Variants in BAIAP2L1 observed in about 807,000 individuals in gnomAD.
BAIAP2L1 encodes BAR/IMD domain containing adaptor protein 2 like 1.
Under a neutral mutation model 66.3 loss-of-function variants are expected in BAIAP2L1, and 35 were observed. The ratio of observed to expected loss-of-function variants is 0.53; its 90% CI spans 0.40 to 0.70. BAIAP2L1 has a LOEUF of 0.70. BAIAP2L1 is among the 30% of genes least tolerant of loss of function. The pLI is 0.00. For synonymous variants in BAIAP2L1, 269 were observed against 248.7 expected, an observed-to-expected ratio of 1.08 and a Z score of -0.77; for missense variants, 622 against 656.9, an observed-to-expected ratio of 0.95 and a Z score of 0.58.
intron 3 of BAIAP2L1, among the ~76,000 whole-genome samples, chr7:98,348,516 G>A (rs1309548339): frequency 6.8e-6 from 1 of 147,862 alleles, no homozygotes; most frequent in Non-Finnish European, 1.5e-5. Flanking sequence ...GCAGTGAGCC[G>A]AGATTGCACC....
Position 98,310,478 on chromosome 7 carries a change from C to T in BAIAP2L1, c.922G>A (p.Ala308Thr). 6.2e-7 allele frequency: 1 copy of T among 1,603,210 alleles called. No individual in the cohort carries two copies. Among genetic ancestry groups the T allele is most frequent in the Non-Finnish European group, 8.5e-7 (1 of 1,176,538 alleles). The change falls in exon 9 of 14, where the codon GCC becomes ACC. Residue 308 changes from alanine (A) to threonine (T), a missense_variant. Transcript: ENST00000005260. Reference sequence around the variant, plus strand: ...TTATTTACCCTTTGTGAATTCGGGGCAGCCGTGGCTGGGTTATTAAACATA... The same window carrying T: ...TTATTTACCCTTTGTGAATTCGGGGTAGCCGTGGCTGGGTTATTAAACATA... ...IDMFNNPATA[A>T]PNSQRVNNST...
rs546634765 is a variant in BAIAP2L1, at chr7:98,345,158, C to G, written c.214+9884G>C. Reference sequence around the variant, plus strand: ...TTAAAGACACAAAAAAATTTACATCCGCAATAAAGAGGACAACCAGCCTAA... The same window carrying G: ...TTAAAGACACAAAAAAATTTACATCGGCAATAAAGAGGACAACCAGCCTAA... On this transcript the variant is annotated intron_variant, in intron 3 of 13. Transcript: ENST00000005260. 3.2e-3 allele frequency among the ~76,000 whole-genome samples: 480 copies of G among 152,092 alleles called. 3 individuals carry two copies. Among genetic ancestry groups the G allele is most frequent in the South Asian group, 0.01 (50 of 4,822 alleles).
In BAIAP2L1 at chr7:98,363,565, G is replaced by A. The variant is rs114109661; in HGVS notation, c.52-1133C>T. On this transcript the variant is annotated intron_variant, in intron 1 of 13. Coordinates refer to ENST00000005260, the MANE Select transcript of BAIAP2L1 (RefSeq NM_018842.5). Reference sequence around the variant, plus strand: ...TATAAGACAAATAACTATTTAGGACGTGGGTCTAAATTTTAAAATACCCTA... The same window carrying A: ...TATAAGACAAATAACTATTTAGGACATGGGTCTAAATTTTAAAATACCCTA... Among the ~76,000 whole-genome samples, 1,486 of 152,304 alleles carry A rather than the reference G, an allele frequency of 9.8e-3. 28 individuals carry two copies. Among genetic ancestry groups the A allele is most frequent in the African/African-American group, 0.033 (1,386 of 41,560 alleles).
At chr7:98,373,524 T>G (rs140921802) in intron 1 of BAIAP2L1, among the ~76,000 whole-genome samples, 4 of 152,254 alleles carry the variant, frequency 2.6e-5, no homozygotes, top group African/African-American at 7.2e-5. Context: ...AAATTTGGCC[T>G]TGAATTCTTG....
At chr7:98,317,493 TGG>T in intron 5 of BAIAP2L1, 137 bp from the exon 6 acceptor site, 1 of 1,128,462 alleles carries the variant, frequency 8.9e-7, no homozygotes, top group Admixed American at 2.1e-5. Flanking sequence ...TCACACTGGC[TGG>T]GGCCCCCACA....
At chr7:98,302,316 A>G (rs919739430) in intron 12 of BAIAP2L1, among the ~76,000 whole-genome samples, 2 of 152,214 alleles carry the variant, frequency 1.3e-5, no homozygotes, top group Non-Finnish European at 2.9e-5. Context: ...GGGTTGGCCA[A>G]AGTGTCAGTG....
At position 98,307,706 on chromosome 7, in the gene BAIAP2L1, T is replaced by C. The variant is rs530955679; in HGVS notation, c.1146A>G (p.Glu382=). The C allele has an allele frequency of 1.2e-6, 2 of 1,614,150 alleles. No homozygotes were observed. The highest frequency in any genetic ancestry group is 2.7e-5 in the African/African-American group (2 of 75,074). Residue 382 remains glutamate, a synonymous_variant, in exon 10 of 14, where the codon GAA becomes GAG. Transcript: ENST00000005260. The part of the protein sequence containing the change: ...PEEKDGWLYG[E]HDVSKARGWF... ...AGACTTACGCCTTGGACACGTCGTG[T>C]TCTCCATAGAGCCAGCCATCCTTCT... is the stretch of plus-strand genomic sequence containing the variant.
chr7:98,312,741 T>C (rs908581074), intron 7 of BAIAP2L1, among the ~76,000 whole-genome samples: 13 of 95,048 alleles, frequency 1.4e-4, no homozygotes, highest in Non-Finnish European at 2.7e-4. Context: ...TGAGAGTCTG[T>C]CTATGGGGAA....
At chr7:98,317,119 C>T in intron 6 of BAIAP2L1, 100 bp downstream of exon 6, 3 of 1,468,210 alleles carry the variant, frequency 2.0e-6, no homozygotes, top group Non-Finnish European at 2.8e-6. Flanking sequence ...TCCCAAAGTG[C>T]TGGGATTACA....
At chr7:98,313,972 CT>C (rs1800977020) in intron 7 of BAIAP2L1, among the ~76,000 whole-genome samples, 1 of 137,866 alleles carries the variant, frequency 7.3e-6, no homozygotes, top group Non-Finnish European at 1.6e-5. Flanking sequence ...CTGAATACTC[CT>C]TTTTCTTCCT....
chr7:98,371,491 G>C (rs186941545), intron 1 of BAIAP2L1, among the ~76,000 whole-genome samples: 109 of 152,306 alleles, frequency 7.2e-4, no homozygotes, highest in Non-Finnish European at 1.3e-3. Context: ...GCTGGAACCA[G>C]CACACACTAT....
At position 98,389,918 on chromosome 7, in the gene BAIAP2L1, A is replaced by ATTTTTTTTT. The variant is rs750099451; in HGVS notation, c.51+10875_51+10883dup. On this transcript the variant is annotated intron_variant, in intron 1 of 13. Coordinates refer to ENST00000005260, the MANE Select transcript of BAIAP2L1 (RefSeq NM_018842.5). ...TGCACGTGTAGTCTTGGGTTAGTAA[A>ATTTTTTTTT]TTTTTTTTTTTTTTTGAGAGGTAGT... 4.8e-4 allele frequency among the ~76,000 whole-genome samples: 62 copies of ATTTTTTTTT among 129,756 alleles called. 16 individuals are homozygous for ATTTTTTTTT. The highest frequency in any genetic ancestry group is 6.8e-4 in the Non-Finnish European group (41 of 60,504). 85.1% of individuals were successfully genotyped at this position (129,756 alleles called of 152,430 possible). A position where few individuals can be genotyped will look rare whatever the true frequency, so the allele number is the denominator to read the frequency against.
intron 5 of BAIAP2L1, among the ~76,000 whole-genome samples, chr7:98,318,031 T>C (rs1364319760): frequency 2.2e-4 from 28 of 127,614 alleles, no homozygotes; most frequent in Middle Eastern, 5.9e-3. Context: ...CTGGGACCCT[T>C]ACTCTGCAAC....
chr7:98,355,139 A>C lies in BAIAP2L1; in HGVS notation c.128-11T>G. 1 of 1,588,186 alleles carries C rather than the reference A, an allele frequency of 6.3e-7. No homozygotes were observed. Among genetic ancestry groups the C allele is most frequent in the Non-Finnish European group, 8.6e-7 (1 of 1,156,818 alleles). On this transcript the variant is annotated splice_polypyrimidine_tract_variant and intron_variant, in intron 2 of 13. Transcript: ENST00000005260. Reference sequence around the variant, plus strand: ...CTGCCAGGATCATAGCTAGACACAAAAGGTGACACACAAAATCGTCACTTA... The same window carrying C: ...CTGCCAGGATCATAGCTAGACACAACAGGTGACACACAAAATCGTCACTTA...
chr7:98,293,090 G>C lies in BAIAP2L1; in HGVS notation c.*431C>G, dbSNP rs138357323. 763 of 553,964 alleles carry C rather than the reference G, an allele frequency of 1.4e-3. 4 individuals carry two copies. In the African/African-American group the frequency reaches 0.014, roughly 10 times the overall value. 34.3% of individuals were successfully genotyped at this position (553,964 alleles called of 1,614,324 possible). On this transcript the variant is annotated 3_prime_UTR_variant, in exon 14 of 14. Transcript: ENST00000005260. ...TGCATGCTAAGATGCAAACTTACGT[G>C]ATATCTTCTTTAGACATAATGCTAT...
chr7:98,296,790 C>T (rs113707800), intron 12 of BAIAP2L1, among the ~76,000 whole-genome samples: 4 of 152,370 alleles, frequency 2.6e-5, no homozygotes, highest in African/African-American at 9.6e-5. Flanking sequence ...CTGCCTCCCT[C>T]TCCACTGCAA....
chr7:98,357,047 ATATTTT>A (rs1447745604), intron 2 of BAIAP2L1, among the ~76,000 whole-genome samples: 9 of 16,478 alleles, frequency 5.5e-4, no homozygotes, highest in Admixed American at 1.8e-3. Context: ...ATATATATAT[ATATTTT>A]TTTTTTTTTT....
At chr7:98,373,907 G>A (rs1802565759) in intron 1 of BAIAP2L1, among the ~76,000 whole-genome samples, 2 of 152,146 alleles carry the variant, frequency 1.3e-5, no homozygotes, top group Non-Finnish European at 2.9e-5. Flanking sequence ...AAGGGTACGG[G>A]ACAAAGGACA....
intron 7 of BAIAP2L1, 73 bp from the exon 8 acceptor site, chr7:98,312,337 A>C: frequency 6.8e-7 from 1 of 1,467,884 alleles, no homozygotes; most frequent in Non-Finnish European, 9.2e-7. Flanking sequence ...ACATCACGTC[A>C]TATCGCTGAT....
Sources: allele counts gnomAD v4.1 joint callset (sites outside exome capture counted in the v4.1 genomes callset), GRCh38; gene constraint gnomAD v4.1.1; transcripts MANE v1.5; gene names NCBI Gene and HGNC (gene_info 2026-07-23, HGNC 2026-07-21).